Variants in DENND1A observed in about 807,000 individuals in gnomAD.
DENND1A encodes the protein DENN domain-containing protein 1A.
A neutral mutation model predicts 113.7 loss-of-function variants in DENND1A; 51 were observed. That is an observed-to-expected ratio of 0.45 (90% confidence interval 0.36 to 0.57). The LOEUF is 0.57. DENND1A is among the 20% of genes least tolerant of loss of function. The probability of loss-of-function intolerance (pLI) is 0.00; values close to 1 mark genes in which losing one functional copy is unlikely to be tolerated. For synonymous variants in DENND1A, 565 were observed against 570.8 expected (o/e 0.99, Z 0.14); for missense variants, 1,258 against 1,395.9 (o/e 0.90, Z 1.57).
rs746550234 is a variant in DENND1A at position 123,696,729 on chromosome 9, G to A, written c.303-19940C>T. On this transcript the variant is annotated intron_variant, in intron 5 of 23. Coordinates refer to ENST00000394215, the MANE Select transcript of DENND1A (RefSeq NM_001352964.2). ...TAATAAATATACTCCCCTTTGAAAT[G>A]TGAGGATTCTGCGATGAGAATTTCT... 4.7e-4 allele frequency among the ~76,000 whole-genome samples: 72 copies of A among 152,238 alleles called. 1 individual carries two copies. Among genetic ancestry groups the A allele is most frequent in the Middle Eastern group, 3.4e-3 (1 of 294 alleles).
chr9:123,503,297 A>G (rs982623185), intron 13 of DENND1A, among the ~76,000 whole-genome samples: 2 of 152,208 alleles, frequency 1.3e-5, no homozygotes, highest in Non-Finnish European at 2.9e-5. Flanking sequence ...AACAACAGCA[A>G]TATCTTTTTA....
intron 17 of DENND1A, 139 bp downstream of exon 17, chr9:123,452,137 T>C: frequency 1.4e-6 from 1 of 731,680 alleles, no homozygotes; most frequent in South Asian, 1.8e-5. Context: ...AAGGCCTCAG[T>C]GAGCTGTGAT....
At chr9:123,529,567 A>G (rs2055128984) in intron 13 of DENND1A, among the ~76,000 whole-genome samples, 1 of 152,210 alleles carries the variant, frequency 6.6e-6, no homozygotes, top group Non-Finnish European at 1.5e-5. Context: ...TTAGACAGCC[A>G]AAAGAACGTG....
intron 21 of DENND1A, among the ~76,000 whole-genome samples, chr9:123,399,568 G>A (rs2043318101): frequency 1.3e-5 from 2 of 152,200 alleles, no homozygotes; most frequent in Non-Finnish European, 2.9e-5. Context: ...GTTGGTGAAT[G>A]TCATTCCTCT....
chr9:123,602,368 A>AT (rs972325672), intron 11 of DENND1A, among the ~76,000 whole-genome samples: 13 of 152,188 alleles, frequency 8.5e-5, no homozygotes, highest in African/African-American at 3.1e-4. Context: ...TCTTTCATAT[A>AT]TTTTTTTCCA....
chr9:123,907,556 A>C (rs1257412482), intron 1 of DENND1A, among the ~76,000 whole-genome samples: 144 of 137,376 alleles, frequency 1.0e-3, no homozygotes, highest in Middle Eastern at 3.6e-3. Flanking sequence ...CCAATAACAG[A>C]CAAACAGAGA....
chr9:123,439,611 T>C (rs1226982199), intron 19 of DENND1A: 1 of 153,544 alleles, frequency 6.5e-6, no homozygotes, highest in Non-Finnish European at 1.5e-5. Context: ...TAAATAACCT[T>C]GCAAATTCTT....
chr9:123,546,929 ATTCAG>A (rs1203747334), intron 13 of DENND1A, among the ~76,000 whole-genome samples: 1 of 152,246 alleles, frequency 6.6e-6, no homozygotes, highest in African/African-American at 2.4e-5. Context: ...CTTTGAAATC[ATTCAG>A]TTGAGATTGA....
chr9:123,794,714 T>C (rs1366439014), intron 2 of DENND1A, among the ~76,000 whole-genome samples: 1 of 152,172 alleles, frequency 6.6e-6, no homozygotes, highest in African/African-American at 2.4e-5. Flanking sequence ...GGCAGATGCT[T>C]CTTAAATCTT....
At chr9:123,581,327 G>A (rs1391483976) in intron 12 of DENND1A, among the ~76,000 whole-genome samples, 1 of 152,200 alleles carries the variant, frequency 6.6e-6, no homozygotes, top group African/African-American at 2.4e-5. Context: ...TGAGTTAGGT[G>A]GAGAGAAGTT....
At chr9:123,588,446 C>T (rs2059295246) in intron 11 of DENND1A, among the ~76,000 whole-genome samples, 1 of 151,534 alleles carries the variant, frequency 6.6e-6, no homozygotes, top group Non-Finnish European at 1.5e-5. Flanking sequence ...TGGCGAAACC[C>T]TGTCTCTACT....
intron 6 of DENND1A, among the ~76,000 whole-genome samples, chr9:123,675,362 C>G (rs2064011517): frequency 6.6e-6 from 1 of 152,082 alleles, no homozygotes; most frequent in Non-Finnish European, 1.5e-5. Flanking sequence ...ACAGGCGACC[C>G]AGGTTTCTCC....
chr9:123,714,836 A>T (rs914267127), intron 5 of DENND1A, among the ~76,000 whole-genome samples: 6 of 152,160 alleles, frequency 3.9e-5, no homozygotes, highest in Non-Finnish European at 8.8e-5. Context: ...ATTTCTCCAC[A>T]GTCAGGTTTC....
chr9:123,874,528 A>C (rs1455343293), intron 2 of DENND1A, among the ~76,000 whole-genome samples: 1 of 152,150 alleles, frequency 6.6e-6, no homozygotes, highest in Admixed American at 6.5e-5. Context: ...TAAGGAGGCT[A>C]AGGTGGGAGG....
intron 13 of DENND1A, among the ~76,000 whole-genome samples, chr9:123,458,654 G>T (rs1002625821): frequency 3.9e-5 from 6 of 152,140 alleles, no homozygotes; most frequent in African/African-American, 1.4e-4. Flanking sequence ...ATTCAGATAG[G>T]ATTTTATGCA....
At chr9:123,587,120 TTTA>T (rs1373259056) in intron 11 of DENND1A, among the ~76,000 whole-genome samples, 23 of 151,792 alleles carry the variant, frequency 1.5e-4, no homozygotes, top group Non-Finnish European at 2.8e-4. Flanking sequence ...TATACCAGCA[TTTA>T]TTATTAAGTT....
At chr9:123,795,521 G>A (rs564132026) in intron 2 of DENND1A, among the ~76,000 whole-genome samples, 53 of 152,182 alleles carry the variant, frequency 3.5e-4, no homozygotes, top group Middle Eastern at 3.4e-3. Context: ...TAAGCAAACC[G>A]CCTTTAAATT....
intron 11 of DENND1A, among the ~76,000 whole-genome samples, chr9:123,607,478 CAGAGAGAGAG>C (rs763140217): frequency 8.9e-6 from 1 of 112,396 alleles, no homozygotes. Flanking sequence ...GAGAGAGACA[CAGAGAGAGAG>C]ACACACACAC....
intron 13 of DENND1A, 48 bp from the exon 14 acceptor site, chr9:123,457,945 C>T (rs1226811173): frequency 2.1e-6 from 3 of 1,431,944 alleles, no homozygotes; most frequent in Non-Finnish European, 2.9e-6. Context: ...GGAGCAAGAG[C>T]CATCAGTTTT....
Sources: allele counts gnomAD v4.1 joint callset (sites outside exome capture counted in the v4.1 genomes callset), GRCh38; gene constraint gnomAD v4.1.1; transcripts MANE v1.5; gene names NCBI Gene and HGNC (gene_info 2026-07-23, HGNC 2026-07-21).